THSD7B: variants seen among roughly 807,000 people sequenced by gnomAD.
THSD7B encodes thrombospondin type-1 domain-containing protein 7B.
A neutral mutation model predicts 213.6 loss-of-function variants in THSD7B; 138 were observed. The ratio of observed to expected loss-of-function variants is 0.65; its 90% confidence interval spans 0.56 to 0.74. The LOEUF is 0.74. Among genes scored for constraint, THSD7B ranks in the 30% least tolerant of loss-of-function variants. THSD7B has a pLI of 0.00. For missense variants in THSD7B, 1,931 were observed against 1,991.5 expected, an observed-to-expected ratio of 0.97 and a Z score of 0.58; for synonymous variants, 742 against 687.0, an observed-to-expected ratio of 1.08 and a Z score of -1.25.
intron 1 of THSD7B, among the ~76,000 whole-genome samples, chr2:136,814,862 A>G (rs1005523242): frequency 6.6e-6 from 1 of 152,140 alleles, no homozygotes. Context: ...CTGTTTTTGT[A>G]TGGGTCTCAA....
chr2:137,538,355 A>G (rs1680545176), intron 15 of THSD7B: 1 of 370,528 alleles, frequency 2.7e-6, no homozygotes, highest in South Asian at 2.1e-5. Flanking sequence ...AAAAATAGCC[A>G]TTAATTTTGA....
chr2:137,502,363 G>C lies in THSD7B; in HGVS notation c.3138+51340G>C, dbSNP rs78203721. Among the ~76,000 whole-genome samples, 1,014 of 152,120 alleles carry C rather than the reference G, an allele frequency of 6.7e-3. 77 individuals carry two copies. In the East Asian group the frequency reaches 0.17, roughly 26 times the overall value. On this transcript the variant is annotated intron_variant, in intron 15 of 27. Coordinates refer to ENST00000409968, the MANE Select transcript of THSD7B (RefSeq NM_001316349.2). ...ATATGTATGTTTGTACACATATAAA[G>C]AGAAAGAGAGAGAGACAGATACAGA...
At chr2:137,139,839 G>A (rs1211923504) in intron 5 of THSD7B, among the ~76,000 whole-genome samples, 2 of 152,102 alleles carry the variant, frequency 1.3e-5, no homozygotes, top group Non-Finnish European at 2.9e-5. Flanking sequence ...AAATACAAGT[G>A]TCCCTAGTAA....
At chr2:136,833,623 T>G (rs925264148) in intron 1 of THSD7B, among the ~76,000 whole-genome samples, 9 of 152,078 alleles carry the variant, frequency 5.9e-5, no homozygotes, top group African/African-American at 2.2e-4. Context: ...TTTACTTTTG[T>G]GTATTCAAAG....
chr2:137,099,305 C>T (rs1463230301), intron 4 of THSD7B, among the ~76,000 whole-genome samples: 2 of 152,054 alleles, frequency 1.3e-5, no homozygotes, highest in Admixed American at 6.6e-5. Flanking sequence ...TGACTAACAT[C>T]TAAAATATTA....
At chr2:137,564,347 C>T (rs1681188834) in intron 16 of THSD7B, among the ~76,000 whole-genome samples, 2 of 152,132 alleles carry the variant, frequency 1.3e-5, no homozygotes, top group African/African-American at 2.4e-5. Context: ...GTTGCAAAAT[C>T]ACTGGTAGTC....
chr2:137,295,530 C>G (rs1388593432), intron 12 of THSD7B, among the ~76,000 whole-genome samples: 2 of 152,086 alleles, frequency 1.3e-5, no homozygotes, highest in African/African-American at 4.8e-5. Flanking sequence ...GGCTAGAGGG[C>G]AGTGGTGTGA....
At chr2:136,772,265 A>G (rs1392691086) in intron 1 of THSD7B, among the ~76,000 whole-genome samples, 1 of 152,140 alleles carries the variant, frequency 6.6e-6, no homozygotes, top group African/African-American at 2.4e-5. Flanking sequence ...ACACTTACCT[A>G]CTGCCAAGGC....
chr2:136,796,851 A>C (rs1015146167), intron 1 of THSD7B, among the ~76,000 whole-genome samples: 1 of 151,928 alleles, frequency 6.6e-6, no homozygotes, highest in African/African-American at 2.4e-5. Context: ...AGTAATTTAA[A>C]ATTATAAACA....
At chr2:136,922,316 T>C (rs1170854472) in intron 2 of THSD7B, among the ~76,000 whole-genome samples, 1 of 152,234 alleles carries the variant, frequency 6.6e-6, no homozygotes, top group Non-Finnish European at 1.5e-5. Context: ...TCTCTGCACC[T>C]GATTCCAATG....
chr2:137,044,245 C>T (rs369340513), intron 2 of THSD7B, among the ~76,000 whole-genome samples: 4 of 152,136 alleles, frequency 2.6e-5, no homozygotes, highest in African/African-American at 9.7e-5. Context: ...ATTACATTCA[C>T]CCCCTTTTCA....
intron 2 of THSD7B, among the ~76,000 whole-genome samples, chr2:136,945,177 G>A (rs931917331): frequency 6.6e-6 from 1 of 152,128 alleles, no homozygotes; most frequent in African/African-American, 2.4e-5. Flanking sequence ...TGAAATTCTG[G>A]GTTGAAAATG....
intron 1 of THSD7B, among the ~76,000 whole-genome samples, chr2:136,867,161 T>C (rs759074324): frequency 6.6e-6 from 1 of 152,178 alleles, no homozygotes; most frequent in Non-Finnish European, 1.5e-5. Flanking sequence ...ACAGGAGTAT[T>C]GTTGAAGCTT....
At chr2:137,326,634 T>C (rs1022626726) in intron 12 of THSD7B, among the ~76,000 whole-genome samples, 3 of 152,216 alleles carry the variant, frequency 2.0e-5, no homozygotes, top group African/African-American at 7.2e-5. Flanking sequence ...CTGTCTTTCA[T>C]AGTAACAAAA....
chr2:137,663,058 C>G (rs1169534669), intron 25 of THSD7B, among the ~76,000 whole-genome samples: 1 of 144,940 alleles, frequency 6.9e-6, no homozygotes, highest in Non-Finnish European at 1.5e-5. Context: ...GAGTGAAACT[C>G]CATCTAAAAA....
At chr2:137,054,121 T>G (rs541370233) in intron 2 of THSD7B, among the ~76,000 whole-genome samples, 14 of 152,318 alleles carry the variant, frequency 9.2e-5, no homozygotes, top group African/African-American at 3.1e-4. Context: ...GTAATCTACA[T>G]TACCAGAATT....
At chr2:137,248,917 C>T (rs1364903606) in intron 10 of THSD7B, among the ~76,000 whole-genome samples, 1 of 152,176 alleles carries the variant, frequency 6.6e-6, no homozygotes, top group East Asian at 1.9e-4. Context: ...AGATGTATAG[C>T]TCACATCGAT....
intron 11 of THSD7B, among the ~76,000 whole-genome samples, chr2:137,274,739 A>C (rs2104809650): frequency 6.6e-6 from 1 of 152,210 alleles, no homozygotes; most frequent in East Asian, 1.9e-4. Flanking sequence ...TTAGTTCAAA[A>C]GTTGGACTAA....
At chr2:137,635,621 G>A (rs1486954052) in intron 20 of THSD7B, among the ~76,000 whole-genome samples, 1 of 152,086 alleles carries the variant, frequency 6.6e-6, no homozygotes, top group Non-Finnish European at 1.5e-5. Flanking sequence ...ATGTTTCAGG[G>A]CCAGTTCTAG....
Sources: allele counts gnomAD v4.1 joint callset (sites outside exome capture counted in the v4.1 genomes callset), GRCh38; gene constraint gnomAD v4.1.1; transcripts MANE v1.5; gene names NCBI Gene and HGNC (gene_info 2026-07-23, HGNC 2026-07-21).